SLC4A8: variants seen among roughly 807,000 people sequenced by gnomAD.
SLC4A8 encodes solute carrier family 4 member 8, also known as electroneutral sodium bicarbonate exchanger 1.
Under a neutral mutation model 125.0 loss-of-function variants are expected in SLC4A8, and 40 were observed. The observed-to-expected ratio is 0.32, with a 90% confidence interval of 0.25 to 0.42. The LOEUF is 0.42. SLC4A8 is among the 10% of genes least tolerant of loss of function. SLC4A8 has a pLI of 1.00. For synonymous variants in SLC4A8, 456 were observed against 476.0 expected (o/e 0.96, Z 0.55); for missense variants, 863 against 1,355.1 (o/e 0.64, Z 5.70).
rs754799201 is a variant in SLC4A8, at chr12:51,475,179, T to C, written c.2145T>C (p.Phe715=). 1 of 1,613,080 alleles carries C rather than the reference T, an allele frequency of 6.2e-7. No individual in the cohort carries two copies. The highest frequency in any genetic ancestry group is 1.7e-4 in the Middle Eastern group (1 of 6,046). The change falls in exon 16 of 25, where the codon TTT becomes TTC. Residue 715 remains phenylalanine (F), a synonymous_variant. Coordinates refer to ENST00000453097, the MANE Select transcript of SLC4A8 (RefSeq NM_001039960.3). ...TCCTCTCAAGCACCTTAAAGACGTT[T>C]AAGACGAGCCGTTATTTCCCAACCA... ...TFILSSTLKT[F]KTSRYFPTRV... is the part of the protein sequence containing the mutation.
chr12:51,444,536 C>T lies in SLC4A8; in HGVS notation c.130+3747C>T, dbSNP rs1178769751. On this transcript the variant is annotated intron_variant, in intron 2 of 24. Coordinates refer to ENST00000453097, the MANE Select transcript of SLC4A8 (RefSeq NM_001039960.3). ...ATTCAAGGCATCTATAGGATGTCTT[C>T]ACCATTATGCCTCAAACCTACATAG... Among the ~76,000 whole-genome samples the T allele has an allele frequency of 2.6e-5, 4 of 152,322 alleles. No homozygotes were observed. The East Asian group carries it at 7.7e-4, about 29-fold the overall frequency.
chr12:51,393,042 C>CTTT (rs1482633763), intron 1 of SLC4A8, among the ~76,000 whole-genome samples: 14 of 119,574 alleles, frequency 1.2e-4, no homozygotes, highest in Non-Finnish European at 1.9e-4. Flanking sequence ...TTTCTTTTTT[C>CTTT]TTTCTTTCTT....
At chr12:51,496,903 C>A in intron 21 of SLC4A8, 84 bp from the exon 22 acceptor site, 1 of 1,371,208 alleles carries the variant, frequency 7.3e-7, no homozygotes, top group Non-Finnish European at 1.0e-6. Flanking sequence ...ATGTCCTAGT[C>A]TGCTGTGAAA....
intron 17 of SLC4A8, among the ~76,000 whole-genome samples, chr12:51,487,614 A>G (rs1224911012): frequency 6.6e-6 from 1 of 152,204 alleles, no homozygotes; most frequent in Non-Finnish European, 1.5e-5. Flanking sequence ...TCTTCCTCAG[A>G]GTACACTGCA....
At chr12:51,505,996 T>C in intron 24 of SLC4A8, 66 bp downstream of exon 24, 1 of 750,718 alleles carries the variant, frequency 1.3e-6, no homozygotes, top group East Asian at 2.7e-5. Context: ...ATATTGAAGG[T>C]AAAATGTGTT....
intron 19 of SLC4A8, 77 bp downstream of exon 19, chr12:51,490,028 C>A: frequency 7.3e-7 from 1 of 1,377,114 alleles, no homozygotes; most frequent in Non-Finnish European, 1.0e-6. Context: ...GCTGGAAATA[C>A]AGTGGTGCCA....
chr12:51,394,255 G>A (rs1445119563), intron 1 of SLC4A8, among the ~76,000 whole-genome samples: 2 of 152,234 alleles, frequency 1.3e-5, no homozygotes, highest in East Asian at 1.9e-4. Flanking sequence ...TTCGCATTCC[G>A]GAAGCAAATT....
At chr12:51,444,792 G>T (rs927014004) in intron 2 of SLC4A8, among the ~76,000 whole-genome samples, 2 of 152,158 alleles carry the variant, frequency 1.3e-5, no homozygotes, top group African/African-American at 4.8e-5. Flanking sequence ...TGGCCTCCTT[G>T]TTTTACTTTA....
At chr12:51,445,710 C>T (rs1949753515) in intron 2 of SLC4A8, among the ~76,000 whole-genome samples, 1 of 152,172 alleles carries the variant, frequency 6.6e-6, no homozygotes, top group South Asian at 2.1e-4. Context: ...GCCTCTCCTT[C>T]TTATCACTTA....
intron 1 of SLC4A8, among the ~76,000 whole-genome samples, chr12:51,433,874 T>G (rs1028265587): frequency 4.9e-4 from 15 of 30,422 alleles, no homozygotes; most frequent in Non-Finnish European, 7.1e-4. Context: ...TTTTTTTTTT[T>G]TTTTGGTTGG....
intron 19 of SLC4A8, 47 bp from the exon 20 acceptor site, chr12:51,493,657 A>G (rs1371896247): frequency 2.4e-6 from 3 of 1,237,862 alleles, no homozygotes; most frequent in South Asian, 1.2e-5. Flanking sequence ...TGAGTGTGCT[A>G]TGATACCAAA....
chr12:51,481,128 G>A (rs1175394410), intron 16 of SLC4A8, among the ~76,000 whole-genome samples: 1 of 152,184 alleles, frequency 6.6e-6, no homozygotes, highest in Non-Finnish European at 1.5e-5. Context: ...GGTCAGACAT[G>A]TGAAATGTGA....
At chr12:51,458,975 C>T (rs1950237442) in intron 7 of SLC4A8, among the ~76,000 whole-genome samples, 1 of 152,170 alleles carries the variant, frequency 6.6e-6, no homozygotes, top group South Asian at 2.1e-4. Context: ...TTCTCACCCC[C>T]AGGGGTTTTG....
intron 16 of SLC4A8, among the ~76,000 whole-genome samples, chr12:51,480,991 G>A (rs1951011490): frequency 6.6e-6 from 1 of 152,140 alleles, no homozygotes; most frequent in Non-Finnish European, 1.5e-5. Flanking sequence ...GTGTGATAGG[G>A]CCAAGTTGCT....
chr12:51,424,182 A>G (rs2138021020), upstream of SLC4A8, among the ~76,000 whole-genome samples: 1 of 151,684 alleles, frequency 6.6e-6, no homozygotes, highest in East Asian at 1.9e-4. Flanking sequence ...TTAATGCATT[A>G]TTCATGATAT....
intron 14 of SLC4A8, among the ~76,000 whole-genome samples, chr12:51,472,640 G>T (rs4761968): frequency 1.3e-5 from 2 of 151,846 alleles, no homozygotes; most frequent in African/African-American, 4.8e-5. Context: ...CCTTGGAAAC[G>T]CAGTGGCAAA....
chr12:51,393,155 C>T (rs1216790121), intron 1 of SLC4A8, among the ~76,000 whole-genome samples: 1 of 151,506 alleles, frequency 6.6e-6, no homozygotes, highest in Non-Finnish European at 1.5e-5. Flanking sequence ...TGCTCTACTG[C>T]CCAGGCTGGA....
At chr12:51,459,715 C>G (rs1454661507) in intron 7 of SLC4A8, among the ~76,000 whole-genome samples, 1 of 151,872 alleles carries the variant, frequency 6.6e-6, no homozygotes, top group Non-Finnish European at 1.5e-5. Context: ...ACTAAAAATA[C>G]AGAAAAATTA....
At chr12:51,421,603 A>G (rs567368287), upstream of SLC4A8, among the ~76,000 whole-genome samples, 12 of 152,260 alleles carry the variant, frequency 7.9e-5, 1 homozygote, top group South Asian at 2.5e-3. Context: ...CACTTCTGCC[A>G]TGGCTGGGAC....
Sources: allele counts gnomAD v4.1 joint callset (sites outside exome capture counted in the v4.1 genomes callset), GRCh38; gene constraint gnomAD v4.1.1; transcripts MANE v1.5; gene names NCBI Gene and HGNC (gene_info 2026-07-23, HGNC 2026-07-21).